Variants in EEPD1 observed in about 807,000 individuals in gnomAD.
The protein encoded by EEPD1 is endonuclease/exonuclease/phosphatase family domain containing 1.
A neutral mutation model predicts 46.3 loss-of-function variants in EEPD1; 17 were observed. That is an observed-to-expected ratio of 0.37 (90% confidence interval 0.25 to 0.55). EEPD1 has a LOEUF of 0.55. Ranked by LOEUF, EEPD1 falls within the 20% of genes least tolerant of loss-of-function variation. The probability of loss-of-function intolerance (pLI) is 0.83; values close to 1 mark genes in which losing one functional copy is unlikely to be tolerated. For missense variants in EEPD1, 673 were observed against 745.6 expected (o/e 0.90, Z 1.13); for synonymous variants, 313 against 315.6 (o/e 0.99, Z 0.09).
chr7:36,234,671 C>CA lies in EEPD1; in HGVS notation c.879-4299dup, dbSNP rs74272012. Among the ~76,000 whole-genome samples the CA allele has an allele frequency of 6.0e-3, 694 of 114,868 alleles. 3 individuals are homozygous for CA. The highest frequency in any genetic ancestry group is 0.015 in the African/African-American group (450 of 30,846). 75.4% of individuals were successfully genotyped at this position (114,868 alleles called of 152,430 possible). ...TGGGTGACAAAGTGAGACCCTGTCT[C>CA]AAAAAAAAAAAAAAAGATAAATTGT... On this transcript the variant is annotated intron_variant, in intron 2 of 7. Coordinates refer to ENST00000242108, the MANE Select transcript of EEPD1 (RefSeq NM_030636.3).
intron 2 of EEPD1, chr7:36,229,511 G>A (rs1426908347): frequency 1.3e-5 from 2 of 152,210 alleles, no homozygotes; most frequent in African/African-American, 4.8e-5. Flanking sequence ...TTTCTCCTTG[G>A]AAAATCATGC....
rs1271716002 is a variant in EEPD1, at chr7:36,225,717, A to G, written c.879-13268A>G. On this transcript the variant is annotated intron_variant, in intron 2 of 7. Coordinates refer to ENST00000242108, the MANE Select transcript of EEPD1 (RefSeq NM_030636.3). This position sits in a 1 kb window ranked among gnomAD's most constrained non-coding sequence, Gnocchi z 4.2. ...TCTATTCCCAGGCCCCATAACACCA[A>G]CCTACGTGTGGAGCCTGAGAATCTG... 1.3e-5 allele frequency among the ~76,000 whole-genome samples: 2 copies of G among 152,172 alleles called. No homozygotes were observed. Among genetic ancestry groups the G allele is most frequent in the East Asian group, 3.9e-4 (2 of 5,174 alleles).
Position 36,154,263 on chromosome 7 carries a change from C to G in EEPD1, c.-62C>G, listed in dbSNP as rs2115581993. The G allele has an allele frequency of 1.3e-6, 2 of 1,532,032 alleles. No homozygotes were observed. The highest frequency in any genetic ancestry group is 3.9e-5 in the Admixed American group (2 of 51,076). The allele number at this position is 1,532,032 out of a possible 1,614,324, so 94.9% of individuals were successfully genotyped here. A position where few individuals can be genotyped will look rare whatever the true frequency, so the allele number is the denominator to read the frequency against. On this transcript the variant is annotated 5_prime_UTR_variant, in exon 2 of 8. Coordinates refer to ENST00000242108, the MANE Select transcript of EEPD1 (RefSeq NM_030636.3). This position sits in a 1 kb window ranked among gnomAD's most constrained non-coding sequence, Gnocchi z 4.2. Reference sequence around the variant, plus strand: ...GCTTGTACGGCCTACTGGGCTTCCTCCCTAGCCAGAGAGCTCTTCTGCAGT... The same window carrying G: ...GCTTGTACGGCCTACTGGGCTTCCTGCCTAGCCAGAGAGCTCTTCTGCAGT...
intron 3 of EEPD1, among the ~76,000 whole-genome samples, chr7:36,269,290 T>C (rs940956208): frequency 4.6e-5 from 7 of 152,228 alleles, no homozygotes; most frequent in Non-Finnish European, 5.9e-5. Context: ...AGGTGAGGAC[T>C]ATTTGTCTTC....
At chr7:36,204,588 G>A (rs115206911) in intron 2 of EEPD1, among the ~76,000 whole-genome samples, 220 of 152,230 alleles carry the variant, frequency 1.4e-3, no homozygotes, top group African/African-American at 5.1e-3. Flanking sequence ...TGATTTAGGG[G>A]CCCTCCAAGT....
intron 2 of EEPD1, among the ~76,000 whole-genome samples, chr7:36,172,641 T>TTA (rs1439328885): frequency 1.1e-4 from 12 of 109,410 alleles, no homozygotes; most frequent in African/African-American, 3.8e-4. Flanking sequence ...TTTTTTTTTT[T>TTA]AGCTCATCAG....
In EEPD1 at chr7:36,253,964, T is replaced by A. The variant is rs565452634; in HGVS notation, c.930+14928T>A. ...TGTAGTTGAATTTATGTCTGCCATT[T>A]TATCTCTTGTTTTCTGTGTCTTATG... On this transcript the variant is annotated intron_variant, in intron 3 of 7. Transcript: ENST00000242108. 2.6e-5 allele frequency among the ~76,000 whole-genome samples: 4 copies of A among 152,312 alleles called. No individual in the cohort carries two copies. The East Asian group carries it at 7.7e-4, about 29-fold the overall frequency.
At chr7:36,223,284 C>CA (rs577619330) in intron 2 of EEPD1, among the ~76,000 whole-genome samples, 108 of 152,300 alleles carry the variant, frequency 7.1e-4, no homozygotes, top group African/African-American at 2.5e-3. Flanking sequence ...AGCTGGTGTG[C>CA]AAGGGCTCTT....
intron 2 of EEPD1, among the ~76,000 whole-genome samples, chr7:36,173,660 C>G (rs941192578): frequency 6.6e-6 from 1 of 152,112 alleles, no homozygotes; most frequent in Non-Finnish European, 1.5e-5. Context: ...TATAAATTAC[C>G]CAGTCTCAGG....
At chr7:36,185,712 G>A (rs185705449) in intron 2 of EEPD1, among the ~76,000 whole-genome samples, 1 of 152,276 alleles carries the variant, frequency 6.6e-6, no homozygotes, top group Admixed American at 6.5e-5. Context: ...CCTCCTATAA[G>A]GTGAGGAAAA....
intron 5 of EEPD1, 68 bp from the exon 6 acceptor site, chr7:36,287,571 G>A (rs1787359636): frequency 1.5e-5 from 24 of 1,555,304 alleles, no homozygotes; most frequent in Middle Eastern, 1.7e-4. Flanking sequence ...TTTATGAGTC[G>A]GTTGTAACGG....
intron 2 of EEPD1, among the ~76,000 whole-genome samples, chr7:36,213,753 T>C (rs752670910): frequency 2.8e-4 from 43 of 152,116 alleles, no homozygotes; most frequent in Non-Finnish European, 5.1e-4. Flanking sequence ...CATCCTATGC[T>C]TGTCATTTGG....
rs141268140 is a variant in EEPD1, at chr7:36,199,806, C to T, written c.879-39179C>T. Among the ~76,000 whole-genome samples, 704 of 152,094 alleles carry T rather than the reference C, an allele frequency of 4.6e-3. 5 individuals are homozygous for T. Among genetic ancestry groups the T allele is most frequent in the African/African-American group, 0.016 (665 of 41,490 alleles). ...GAGTGCTTCCCTGGGGGTCGTGCAC[C>T]GTGAGTACCAGAACAGAAGGCCTGT... is the stretch of plus-strand genomic sequence containing the variant. On this transcript the variant is annotated intron_variant, in intron 2 of 7. Transcript: ENST00000242108.
intron 2 of EEPD1, among the ~76,000 whole-genome samples, chr7:36,204,677 G>T (rs1329420235): frequency 2.0e-5 from 3 of 152,236 alleles, no homozygotes; most frequent in African/African-American, 7.2e-5. Context: ...CTAGCAGACA[G>T]ACCGGGCTCA....
intron 2 of EEPD1, among the ~76,000 whole-genome samples, chr7:36,223,123 C>T (rs1200607066): frequency 6.6e-6 from 1 of 151,418 alleles, no homozygotes; most frequent in Non-Finnish European, 1.5e-5. Flanking sequence ...TGCACTCCAA[C>T]CTGGGCGACA....
chr7:36,297,591 G>A (rs1483787010), intron 7 of EEPD1, among the ~76,000 whole-genome samples: 3 of 152,210 alleles, frequency 2.0e-5, no homozygotes. Flanking sequence ...TCAGAGATGA[G>A]CTGATAACGT....
At chr7:36,162,008 A>G (rs140773470) in intron 2 of EEPD1, among the ~76,000 whole-genome samples, 10 of 152,200 alleles carry the variant, frequency 6.6e-5, no homozygotes, top group East Asian at 3.9e-4. Flanking sequence ...CTGAAATTCT[A>G]TTTGCTCATC....
At chr7:36,182,131 T>C (rs973122361) in intron 2 of EEPD1, among the ~76,000 whole-genome samples, 2 of 152,202 alleles carry the variant, frequency 1.3e-5, no homozygotes, top group African/African-American at 4.8e-5. Context: ...GGAAACAGTC[T>C]GTGTGTCCAC....
intron 2 of EEPD1, among the ~76,000 whole-genome samples, chr7:36,171,417 A>T (rs996029042): frequency 6.6e-6 from 1 of 152,240 alleles, no homozygotes; most frequent in Admixed American, 6.5e-5. Context: ...AATTAATTTC[A>T]CTTGTACAAA....
Sources: gnomAD v4.1 joint callset for allele counts (sites outside exome capture counted in the v4.1 genomes callset) on GRCh38, gnomAD v4.1.1 for gene constraint, Gnocchi (gnomAD v3.1) non-coding constraint, MANE v1.5 for transcripts, NCBI Gene and HGNC (gene_info 2026-07-23, HGNC 2026-07-21) for gene names.